Variants in CFTR observed in about 807,000 individuals in gnomAD.
CFTR encodes cystic fibrosis transmembrane conductance regulator.
A neutral mutation model predicts 171.6 loss-of-function variants in CFTR; 181 were observed. The observed-to-expected ratio is 1.05, with a 90% CI of 0.93 to 1.19. CFTR has a LOEUF of 1.19. Among genes scored for constraint, CFTR ranks in the 50% most tolerant of loss-of-function variants. The pLI, the probability that CFTR is intolerant of heterozygous loss-of-function variation, is 0.00. For missense variants in CFTR, 1,968 were observed against 1,734.7 expected, an observed-to-expected ratio of 1.13 and a Z score of -2.39; for synonymous variants, 583 against 608.0, an observed-to-expected ratio of 0.96 and a Z score of 0.60.
chr7:117,602,048 T>C (rs1446789621), intron 15 of CFTR, among the ~76,000 whole-genome samples: 10 of 152,218 alleles, frequency 6.6e-5, no homozygotes, highest in Admixed American at 6.5e-5. Flanking sequence ...ACTTTTTTTT[T>C]TAAGACAATC....
At position 117,480,133 on chromosome 7, in the gene CFTR, CAAACT is replaced by C; in HGVS notation, c.40_44del (p.Lys14PhefsTer29). 1 of 1,613,818 alleles carries C rather than the reference CAAACT, an allele frequency of 6.2e-7. No homozygotes were observed. The highest frequency in any genetic ancestry group is 1.7e-5 in the Admixed American group (1 of 59,996). On this transcript the variant is annotated frameshift_variant, in exon 1 of 27. Transcript: ENST00000003084. LOFTEE classifies it high-confidence loss of function. The stretch of plus-strand genomic sequence containing the variant: ...CTCTGGAAAAGGCCAGCGTTGTCTC[CAAACT>C]TTTTTTCAGGTGAGAAGGTGGCCAA...
At chr7:117,628,420 A>G (rs1000120898) in intron 22 of CFTR, among the ~76,000 whole-genome samples, 2 of 152,162 alleles carry the variant, frequency 1.3e-5, no homozygotes, top group African/African-American at 2.4e-5. Flanking sequence ...CCATAAACAT[A>G]TTTCTTAATT....
At chr7:117,483,290 C>G (rs1798026196) in intron 1 of CFTR, among the ~76,000 whole-genome samples, 1 of 152,086 alleles carries the variant, frequency 6.6e-6, no homozygotes, top group Non-Finnish European at 1.5e-5. Flanking sequence ...CTAAATAATA[C>G]ATAAATTTCT....
chr7:117,627,799 A>G, intron 22 of CFTR, 29 bp downstream of exon 22: 1 of 1,605,244 alleles, frequency 6.2e-7, no homozygotes, highest in Non-Finnish European at 8.5e-7. Flanking sequence ...TTGCTTTGTT[A>G]GACTGTGTTC....
chr7:117,542,561 AT>A (rs1199120581), intron 9 of CFTR, among the ~76,000 whole-genome samples: 1 of 152,158 alleles, frequency 6.6e-6, no homozygotes. Flanking sequence ...AGAAAAAAAA[AT>A]AAAAATAAAA....
intron 21 of CFTR, among the ~76,000 whole-genome samples, chr7:117,616,796 C>A (rs1205972601): frequency 6.6e-6 from 1 of 152,086 alleles, no homozygotes; most frequent in Non-Finnish European, 1.5e-5. Context: ...AAATCACATT[C>A]TTTTGTTTGA....
Position 117,627,654 on chromosome 7 carries a change from G to C in CFTR, c.3601G>C (p.Asp1201His). 1 of 1,613,468 alleles carries C rather than the reference G, an allele frequency of 6.2e-7. No individual in the cohort carries two copies. Among genetic ancestry groups the C allele is most frequent in the Non-Finnish European group, 8.5e-7 (1 of 1,179,608 alleles). The change falls in exon 22 of 27, where the codon GAT becomes CAT. Residue 1201 changes from aspartate (D) to histidine (H), a missense_variant. Transcript: ENST00000003084. ...MIIENSHVKKDDIWPSGGQMT... is the reference protein window; with the variant it reads ...MIIENSHVKKHDIWPSGGQMT... The stretch of plus-strand genomic sequence containing the variant: ...TATTGAGAATTCACACGTGAAGAAA[G>C]ATGACATCTGGCCCTCAGGGGGCCA...
chr7:117,579,693 G>T (rs1791823128), intron 11 of CFTR, among the ~76,000 whole-genome samples: 1 of 147,968 alleles, frequency 6.8e-6, no homozygotes, highest in Non-Finnish European at 1.5e-5. Context: ...AAACCAAAGT[G>T]CCAAAAAACC....
chr7:117,667,615 T>C lies in CFTR; in HGVS notation c.*507T>C, dbSNP rs1474993968. The C allele has an allele frequency of 9.2e-6, 2 of 216,302 alleles. No individual in the cohort carries two copies. Among genetic ancestry groups the C allele is most frequent in the Non-Finnish European group, 1.9e-5 (2 of 106,838 alleles). 13.4% of individuals were successfully genotyped at this position (216,302 alleles called of 1,614,324 possible). A position where few individuals can be genotyped will look rare whatever the true frequency, so the allele number is the denominator to read the frequency against. On this transcript the variant is annotated 3_prime_UTR_variant, in exon 27 of 27. Coordinates refer to ENST00000003084, the MANE Select transcript of CFTR (RefSeq NM_000492.4). Reference sequence around the variant, plus strand: ...CATGATGTTTAGAAACACAACTATATTGTTTGCTAAGCATTCCAACTATCT... The same window carrying C: ...CATGATGTTTAGAAACACAACTATACTGTTTGCTAAGCATTCCAACTATCT...
intron 18 of CFTR, among the ~76,000 whole-genome samples, chr7:117,607,780 T>C (rs181287034): frequency 9.5e-4 from 144 of 152,322 alleles, no homozygotes; most frequent in African/African-American, 3.4e-3. Context: ...TCTGAAATGA[T>C]TGACACAAAC....
Position 117,627,723 on chromosome 7 carries a change from A to C in CFTR, c.3670A>C (p.Asn1224His). ...CACAGCAAAATACACAGAAGGTGGA[A>C]ATGCCATATTAGAGAACATTTCCTT... ...DLTAKYTEGG[N>H]AILENISFSI... The change falls in exon 22 of 27, where the codon AAT becomes CAT. Residue 1224 changes from asparagine (N) to histidine (H), a missense_variant. Asn to His is a moderately conservative substitution (Grantham distance 68, BLOSUM62 1). Coordinates refer to ENST00000003084, the MANE Select transcript of CFTR (RefSeq NM_000492.4). 4 of 1,613,268 alleles carry C rather than the reference A, an allele frequency of 2.5e-6. No individual in the cohort carries two copies. Among genetic ancestry groups the C allele is most frequent in the Non-Finnish European group, 3.4e-6 (4 of 1,179,488 alleles).
intron 18 of CFTR, 113 bp from the exon 19 acceptor site, chr7:117,610,406 T>A (rs1792363535): frequency 2.3e-6 from 2 of 874,484 alleles, no homozygotes; most frequent in Non-Finnish European, 3.6e-6. Context: ...AAAAAAAAGT[T>A]TGAGGTGTTT....
At chr7:117,498,451 A>G (rs1023033072) in intron 1 of CFTR, among the ~76,000 whole-genome samples, 4 of 152,170 alleles carry the variant, frequency 2.6e-5, no homozygotes, top group African/African-American at 9.6e-5. Flanking sequence ...CTTGACCCCA[A>G]TACTGCGATT....
intron 15 of CFTR, among the ~76,000 whole-genome samples, chr7:117,595,410 G>C (rs187879378): frequency 6.7e-6 from 1 of 150,178 alleles, no homozygotes; most frequent in Non-Finnish European, 1.5e-5. Flanking sequence ...TAAGAGATTC[G>C]AAAGCTCAAA....
intron 22 of CFTR, among the ~76,000 whole-genome samples, chr7:117,640,628 C>G (rs1190709922): frequency 6.6e-6 from 1 of 152,104 alleles, no homozygotes; most frequent in African/African-American, 2.4e-5. Context: ...CTGCACTGGG[C>G]ATATTCAAGT....
At chr7:117,514,311 T>G (rs1000691708) in intron 3 of CFTR, among the ~76,000 whole-genome samples, 1 of 152,196 alleles carries the variant, frequency 6.6e-6, no homozygotes, top group Middle Eastern at 3.4e-3. Flanking sequence ...CCTCCCCTAC[T>G]CCTTACTTCC....
chr7:117,589,534 T>C (rs1452387848), intron 12 of CFTR, among the ~76,000 whole-genome samples: 1 of 151,998 alleles, frequency 6.6e-6, no homozygotes, highest in Admixed American at 6.6e-5. Context: ...CTCATTTCTA[T>C]TAATATGGGA....
At chr7:117,504,874 GA>G (rs1344181566) in intron 2 of CFTR, among the ~76,000 whole-genome samples, 1 of 151,148 alleles carries the variant, frequency 6.6e-6, no homozygotes, top group East Asian at 1.9e-4. Flanking sequence ...TTTTTTTCCT[GA>G]AAAATACACA....
At chr7:117,613,824 C>T (rs1315009736) in intron 20 of CFTR, among the ~76,000 whole-genome samples, 2 of 151,812 alleles carry the variant, frequency 1.3e-5, no homozygotes, top group Non-Finnish European at 2.9e-5. Flanking sequence ...GATGTAAGAA[C>T]TCTTGATTGG....
Sources: gnomAD v4.1 joint callset for allele counts (sites outside exome capture counted in the v4.1 genomes callset) on GRCh38, gnomAD v4.1.1 for gene constraint, MANE v1.5 for transcripts, NCBI Gene and HGNC (gene_info 2026-07-23, HGNC 2026-07-21) for gene names.